SEMA5A: variants seen among roughly 807,000 people sequenced by gnomAD.
SEMA5A encodes the protein semaphorin-5A.
A neutral mutation model predicts 135.5 loss-of-function variants in SEMA5A; 55 were observed. The observed-to-expected ratio is 0.41, with a 90% CI of 0.33 to 0.51. The LOEUF is 0.51. Among genes scored for constraint, SEMA5A ranks in the 20% least tolerant of loss-of-function variants. The probability of loss-of-function intolerance (pLI) is 0.37; values close to 1 mark genes in which losing one functional copy is unlikely to be tolerated. For synonymous variants in SEMA5A, 580 were observed against 546.5 expected (o/e 1.06, Z -0.85); for missense variants, 1,290 against 1,419.9 (o/e 0.91, Z 1.47).
chr5:9,511,749 C>T (rs1206546978), intron 1 of SEMA5A, among the ~76,000 whole-genome samples: 2 of 152,076 alleles, frequency 1.3e-5, no homozygotes, highest in East Asian at 3.9e-4. Context: ...TGTTAATTAG[C>T]TGGATTTAAT....
chr5:9,452,706 T>G (rs759686834), intron 1 of SEMA5A, among the ~76,000 whole-genome samples: 1 of 152,198 alleles, frequency 6.6e-6, no homozygotes, highest in Non-Finnish European at 1.5e-5. Context: ...GATGCAGGTC[T>G]AAATTATATA....
chr5:9,301,944 T>C (rs1344659209), intron 5 of SEMA5A, among the ~76,000 whole-genome samples: 2 of 151,942 alleles, frequency 1.3e-5, no homozygotes, highest in Non-Finnish European at 2.9e-5. Context: ...AGAGCTATGC[T>C]CCCCTAGGAG....
chr5:9,192,254 G>A (rs1013400071), intron 10 of SEMA5A, among the ~76,000 whole-genome samples: 3 of 152,224 alleles, frequency 2.0e-5, no homozygotes, highest in Admixed American at 6.5e-5. Context: ...GTGAGGTCTC[G>A]CCTCTCAGTC....
At chr5:9,507,045 G>A (rs1377988644) in intron 1 of SEMA5A, among the ~76,000 whole-genome samples, 1 of 152,162 alleles carries the variant, frequency 6.6e-6, no homozygotes, top group Non-Finnish European at 1.5e-5. Flanking sequence ...TTAGAAAGGA[G>A]GTGCCATTAG....
intron 3 of SEMA5A, among the ~76,000 whole-genome samples, chr5:9,372,350 G>T (rs111304503): frequency 2.0e-5 from 3 of 151,126 alleles, no homozygotes; most frequent in African/African-American, 7.3e-5. Flanking sequence ...CATGGGACAC[G>T]CATGGAACTG....
At chr5:9,185,137 A>C (rs1375576156) in intron 11 of SEMA5A, among the ~76,000 whole-genome samples, 2 of 152,196 alleles carry the variant, frequency 1.3e-5, no homozygotes, top group Admixed American at 1.3e-4. Flanking sequence ...TATGTTGTCC[A>C]TGCTGGTCTC....
chr5:9,456,885 G>C (rs528854279), intron 1 of SEMA5A, among the ~76,000 whole-genome samples: 1 of 152,238 alleles, frequency 6.6e-6, no homozygotes, highest in South Asian at 2.1e-4. Context: ...GGATCAAACA[G>C]AGAGATCAGA....
intron 18 of SEMA5A, 138 bp downstream of exon 18, chr5:9,062,749 C>T: frequency 2.3e-6 from 2 of 853,790 alleles, no homozygotes; most frequent in South Asian, 3.4e-5. Flanking sequence ...GCATGAGCAA[C>T]CACGCATAGC....
chr5:9,097,299 G>A (rs1024222200), intron 16 of SEMA5A, among the ~76,000 whole-genome samples: 1 of 152,098 alleles, frequency 6.6e-6, no homozygotes, highest in Admixed American at 6.6e-5. Flanking sequence ...ATAAATGGTG[G>A]AATAAAAATG....
intron 22 of SEMA5A, among the ~76,000 whole-genome samples, chr5:9,043,576 A>C (rs186226222): frequency 1.3e-3 from 195 of 152,328 alleles, no homozygotes; most frequent in African/African-American, 4.6e-3. Flanking sequence ...CTGCAGTTTC[A>C]AAGAGCTTCA....
At chr5:9,173,712 T>A (rs1007533153) in intron 11 of SEMA5A, among the ~76,000 whole-genome samples, 6 of 152,212 alleles carry the variant, frequency 3.9e-5, no homozygotes, top group African/African-American at 1.4e-4. Context: ...GGCATTGGTA[T>A]CATTGCAAGA....
At chr5:9,382,625 A>T (rs1017791147) in intron 2 of SEMA5A, among the ~76,000 whole-genome samples, 1 of 152,350 alleles carries the variant, frequency 6.6e-6, no homozygotes, top group East Asian at 1.9e-4. Flanking sequence ...TTGGCTCAAT[A>T]TGAATAAACC....
intron 5 of SEMA5A, among the ~76,000 whole-genome samples, chr5:9,289,601 G>A (rs1750975306): frequency 6.6e-6 from 1 of 151,970 alleles, no homozygotes; most frequent in Non-Finnish European, 1.5e-5. Flanking sequence ...GGAGGTGGAG[G>A]TTACAGTGAG....
chr5:9,426,288 G>C (rs924523758), intron 2 of SEMA5A, among the ~76,000 whole-genome samples: 4 of 151,830 alleles, frequency 2.6e-5, no homozygotes, highest in Non-Finnish European at 4.4e-5. Context: ...AGCCTGGCGC[G>C]GTGGCAGGCG....
intron 3 of SEMA5A, among the ~76,000 whole-genome samples, chr5:9,339,108 C>T (rs752974714): frequency 1.3e-4 from 20 of 151,924 alleles, no homozygotes; most frequent in Non-Finnish European, 2.5e-4. Context: ...AATTAAAATA[C>T]GTAGAACAAG....
intron 1 of SEMA5A, among the ~76,000 whole-genome samples, chr5:9,488,940 T>C (rs984039071): frequency 1.3e-5 from 2 of 152,196 alleles, no homozygotes; most frequent in African/African-American, 4.8e-5. Flanking sequence ...AAGCATCTTT[T>C]GACATGTTCA....
intron 4 of SEMA5A, among the ~76,000 whole-genome samples, chr5:9,323,909 A>G (rs982357442): frequency 2.0e-5 from 3 of 151,708 alleles, no homozygotes; most frequent in Non-Finnish European, 4.4e-5. Context: ...TGATCCTCCC[A>G]AAGTGCTGGG....
intron 5 of SEMA5A, among the ~76,000 whole-genome samples, chr5:9,284,087 G>GT (rs1037885584): frequency 1.4e-5 from 2 of 143,906 alleles, no homozygotes; most frequent in African/African-American, 5.2e-5. Context: ...TAGATAACAG[G>GT]TAATAGATAG....
intron 16 of SEMA5A, among the ~76,000 whole-genome samples, chr5:9,098,015 AG>A (rs1739418285): frequency 6.6e-6 from 1 of 152,078 alleles, no homozygotes; most frequent in African/African-American, 2.4e-5. Context: ...AGGCTGAAAC[AG>A]GTGGGTCACT....
Sources: allele counts gnomAD v4.1 joint callset (sites outside exome capture counted in the v4.1 genomes callset), GRCh38; gene constraint gnomAD v4.1.1; transcripts MANE v1.5; gene names NCBI Gene and HGNC (gene_info 2026-07-23, HGNC 2026-07-21).